SLFN11: variants seen among roughly 807,000 people sequenced by gnomAD.
SLFN11 encodes schlafen family member 11.
SLFN11 carries 43 observed loss-of-function variants against 53.4 expected under a neutral mutation model. The observed-to-expected ratio is 0.80, with a 90% CI of 0.63 to 1.04. The LOEUF (loss-of-function observed/expected upper bound fraction) is 1.04. Among genes scored for constraint, SLFN11 ranks in the 50% least tolerant of loss-of-function variants. The probability of loss-of-function intolerance (pLI) is 0.00; values close to 1 mark genes in which losing one functional copy is unlikely to be tolerated. For synonymous variants in SLFN11, 389 were observed against 394.7 expected (o/e 0.99, Z 0.17); for missense variants, 990 against 1,079.1 (o/e 0.92, Z 1.16).
intron 1 of SLFN11, 124 bp from the exon 2 acceptor site, chr17:35,367,824 G>C (rs990908212): frequency 9.9e-5 from 15 of 152,216 alleles, no homozygotes; most frequent in African/African-American, 3.6e-4. Flanking sequence ...CCATTTATTA[G>C]CTGTATGGTT....
chr17:35,371,904 C>T (rs920001015), intron 1 of SLFN11, among the ~76,000 whole-genome samples: 1 of 152,078 alleles, frequency 6.6e-6, no homozygotes, highest in African/African-American at 2.4e-5. Context: ...TTATGGAGAA[C>T]AGTTTGGAAG....
chr17:35,362,384 T>A (rs977178222), intron 4 of SLFN11, among the ~76,000 whole-genome samples: 1 of 152,176 alleles, frequency 6.6e-6, no homozygotes, highest in Non-Finnish European at 1.5e-5. Context: ...ATATACAATC[T>A]AATTTTTAGT....
chr17:35,359,165 A>G (rs1044294793), intron 5 of SLFN11, among the ~76,000 whole-genome samples: 1 of 152,150 alleles, frequency 6.6e-6, no homozygotes, highest in Non-Finnish European at 1.5e-5. Context: ...CTGTTCCTCT[A>G]TGGGCATATA....
At chr17:35,362,301 T>C (rs1908330825) in intron 4 of SLFN11, among the ~76,000 whole-genome samples, 2 of 152,090 alleles carry the variant, frequency 1.3e-5, no homozygotes, top group South Asian at 4.1e-4. Context: ...TAGTGAAATG[T>C]AGCAAATAAT....
Position 35,350,463 on chromosome 17 carries a change from T to C in SLFN11, c.*1893A>G, listed in dbSNP as rs932963236. ...ATTATTTATACATTTTAAAATATTA[T>C]ATTGTTTCAAATATTGTTAGTGGGG... is the stretch of plus-strand genomic sequence containing the variant. On this transcript the variant is annotated 3_prime_UTR_variant, in exon 7 of 7. Coordinates refer to ENST00000685675, the MANE Select transcript of SLFN11 (RefSeq NM_001376007.1). 6.6e-6 allele frequency: 1 copy of C among 152,168 alleles called. No individual in the cohort carries two copies. The highest frequency in any genetic ancestry group is 1.5e-5 in the Non-Finnish European group (1 of 68,024). The allele number at this position is 152,168 out of a possible 1,614,324, so 9.4% of individuals were successfully genotyped here. A position where few individuals can be genotyped will look rare whatever the true frequency, so the allele number is the denominator to read the frequency against.
chr17:35,363,639 C>T lies in SLFN11; in HGVS notation c.169G>A (p.Gly57Arg). The T allele has an allele frequency of 1.9e-6, 3 of 1,613,930 alleles. 1 individual carries two copies. The highest frequency in any genetic ancestry group is 2.2e-5 in the East Asian group (1 of 44,892). Residue 57 changes from glycine (G) to arginine (R), a missense_variant, in exon 4 of 7, where the codon GGA becomes AGA. By Grantham distance (125) the Gly-to-Arg change is moderately radical (BLOSUM62 -2). This residue lies in a region of SLFN11 where 521 missense variants were observed against 516.2 expected (regional missense o/e 1.01). Coordinates refer to ENST00000685675, the MANE Select transcript of SLFN11 (RefSeq NM_001376007.1). ...TTGGCCATTCGAATCACTCCTCCTC[C>T]TGAGTTTAATAAAGCACATGCAGCC... ...MRAACALLNS[G>R]GGVIRMAKKV... is the part of the protein sequence containing the mutation.
intron 5 of SLFN11, among the ~76,000 whole-genome samples, chr17:35,356,448 C>T (rs1330375972): frequency 2.0e-5 from 3 of 152,048 alleles, no homozygotes; most frequent in Non-Finnish European, 4.4e-5. Context: ...CCAATCTCAC[C>T]CTTCTCCCTT....
Position 35,362,855 on chromosome 17 carries a change from T to C in SLFN11, c.953A>G (p.Asn318Ser). The change falls in exon 4 of 7, where the codon AAT becomes AGT. Residue 318 changes from asparagine to serine, a missense_variant. Around this residue, in one of 3 missense-constraint regions of SLFN11, gnomAD observed 521 missense variants for 516.2 expected, o/e 1.01. Coordinates refer to ENST00000685675, the MANE Select transcript of SLFN11 (RefSeq NM_001376007.1). ...LYGYACMIRV[N>S]PFCCAVFSEA... ...TGAGAACACTGCACAGCAGAAGGGA[T>C]TTACTCTGATCATGCAAGCATAGCC... 16 of 1,613,938 alleles carry C rather than the reference T, an allele frequency of 9.9e-6. No homozygotes were observed. The highest frequency in any genetic ancestry group is 1.3e-5 in the African/African-American group (1 of 74,998).
intron 5 of SLFN11, among the ~76,000 whole-genome samples, chr17:35,359,264 C>T (rs749382763): frequency 2.6e-5 from 4 of 151,904 alleles, no homozygotes; most frequent in African/African-American, 7.3e-5. Flanking sequence ...TGATTAGCAG[C>T]GCTTAATAGA....
Position 35,366,462 on chromosome 17 carries a change from A to T in SLFN11, c.-20+485T>A, listed in dbSNP as rs548059832. Among the ~76,000 whole-genome samples the T allele has an allele frequency of 3.5e-4, 54 of 152,262 alleles. 2 individuals carry two copies. The East Asian group carries it at 3.9e-3, about 11-fold the overall frequency. ...TCATTATTTGAAAATTATTTTTTTTAAATAAAAATTTTAAATACAGTCAAC... is the reference window on the plus strand; with the variant it reads ...TCATTATTTGAAAATTATTTTTTTTTAATAAAAATTTTAAATACAGTCAAC... On this transcript the variant is annotated intron_variant, in intron 3 of 6. Transcript: ENST00000685675.
intron 5 of SLFN11, among the ~76,000 whole-genome samples, chr17:35,356,532 C>T (rs34837749): frequency 0.024 from 3,659 of 152,130 alleles, 148 homozygotes; most frequent in African/African-American, 0.079. Context: ...ATATTCTGCC[C>T]TTTCTTTCCC....
At position 35,353,197 on chromosome 17, in the gene SLFN11, A is replaced by G. The variant is rs556546979; in HGVS notation, c.1923-58T>C. The stretch of plus-strand genomic sequence containing the variant: ...CTCTAAAAAAACAAGGGGAGAAAAT[A>G]ATTGTATCATGTTCCTCCGAGCACA... On this transcript the variant is annotated intron_variant, in intron 6 of 6. Coordinates refer to ENST00000685675, the MANE Select transcript of SLFN11 (RefSeq NM_001376007.1). 7.9e-5 allele frequency: 126 copies of G among 1,592,436 alleles called. No individual in the cohort carries two copies. In the African/African-American group the frequency reaches 1.1e-3, roughly 14 times the overall value.
intron 3 of SLFN11, among the ~76,000 whole-genome samples, chr17:35,365,112 A>G (rs189369267): frequency 6.6e-6 from 1 of 152,230 alleles, no homozygotes; most frequent in African/African-American, 2.4e-5. Flanking sequence ...AATGTGATCC[A>G]GGATGCAGAA....
At position 35,352,793 on chromosome 17, in the gene SLFN11, G is replaced by T. The variant is rs1906889762; in HGVS notation, c.2269C>A (p.Pro757Thr). 1 of 1,614,164 alleles carries T rather than the reference G, an allele frequency of 6.2e-7. No homozygotes were observed. The highest frequency in any genetic ancestry group is 1.7e-5 in the Admixed American group (1 of 60,024). Residue 757 changes from proline to threonine, a missense_variant, in exon 7 of 7, where the codon CCC (proline) becomes ACC (threonine). Transcript: ENST00000685675. Reference protein sequence around the residue: ...VIRSNPSFNIPTGCLEVFPEA... With the variant: ...VIRSNPSFNITTGCLEVFPEA... Reference sequence around the variant, plus strand: ...GGAAATACCTCGAGGCACCCAGTGGGGATGTTAAATGAAGGATTACTTCTA... The same window carrying T: ...GGAAATACCTCGAGGCACCCAGTGGTGATGTTAAATGAAGGATTACTTCTA...
chr17:35,368,080 G>A (rs1396678013), intron 1 of SLFN11, among the ~76,000 whole-genome samples: 13 of 152,082 alleles, frequency 8.5e-5, no homozygotes, highest in Non-Finnish European at 1.5e-4. Flanking sequence ...ACTTTGCAAT[G>A]TCAAATTGTC....
intron 5 of SLFN11, among the ~76,000 whole-genome samples, chr17:35,359,455 A>G (rs547227465): frequency 1.3e-5 from 2 of 152,272 alleles, no homozygotes; most frequent in African/African-American, 4.8e-5. Context: ...TTATGTATCA[A>G]TTATAGTGCC....
intron 5 of SLFN11, among the ~76,000 whole-genome samples, chr17:35,357,619 A>G (rs1907679581): frequency 6.7e-6 from 1 of 149,792 alleles, no homozygotes; most frequent in Non-Finnish European, 1.5e-5. Context: ...CTAAATTTTA[A>G]TTTGTGTTTC....
chr17:35,365,171 G>A (rs181993453), intron 3 of SLFN11, among the ~76,000 whole-genome samples: 2 of 152,198 alleles, frequency 1.3e-5, no homozygotes, highest in South Asian at 2.1e-4. Flanking sequence ...GGCAAAGGTA[G>A]GCTTATCGCT....
chr17:35,362,985 C>A lies in SLFN11; in HGVS notation c.823G>T (p.Glu275Ter). ...CAAGGTAGTTTGTATATGGCTTGTT[C>A]TATTTTCCTTCTCAAAGAGTCAGGG... ...VDPDSLRRKI[E>*]QAIYKLPCVH... The change falls in exon 4 of 7, where the codon GAA (glutamate) becomes TAA (stop). Residue 275 changes from glutamate to a stop codon, truncating the protein, a stop_gained. Transcript: ENST00000685675. LOFTEE classifies it high-confidence loss of function. 2 of 1,613,898 alleles carry A rather than the reference C, an allele frequency of 1.2e-6. No individual in the cohort carries two copies. Among genetic ancestry groups the A allele is most frequent in the Non-Finnish European group, 1.7e-6 (2 of 1,179,916 alleles).
Sources: gnomAD v4.1 joint callset for allele counts (sites outside exome capture counted in the v4.1 genomes callset) on GRCh38, gnomAD v4.1.1 for gene constraint, gnomAD v4.1.1 regional missense constraint, MANE v1.5 for transcripts, NCBI Gene and HGNC (gene_info 2026-07-23, HGNC 2026-07-21) for gene names.